The following PLEC variants were observed in gnomAD, a reference collection of about 807,000 sequenced individuals.
PLEC encodes the protein hemidesmosomal protein 1.
A neutral mutation model predicts 392.8 loss-of-function variants in PLEC; 216 were observed. The observed-to-expected ratio is 0.55, with a 90% CI of 0.49 to 0.62. The LOEUF (loss-of-function observed/expected upper bound fraction) is 0.62. Ranked by LOEUF, PLEC falls within the 20% of genes least tolerant of loss-of-function variation. The pLI is 0.00. For missense variants in PLEC, 6,863 were observed against 6,563.4 expected, an observed-to-expected ratio of 1.05 and a Z score of -1.58; for synonymous variants, 3,621 against 2,980.6, an observed-to-expected ratio of 1.21 and a Z score of -7.00.
chr8:143,920,215 G>C lies in PLEC; in HGVS notation c.9606C>G (p.Asp3202Glu). ...YGELQQRCRPDQLTGLSLLPL... is the reference protein window; with the variant it reads ...YGELQQRCRPEQLTGLSLLPL... The stretch of plus-strand genomic sequence containing the variant: ...GCAGCAGGCTCAGCCCGGTCAGCTG[G>C]TCGGGCCGGCACCGCTGCTGGAGCT... The change falls in exon 32 of 32, where the codon GAC (aspartate) becomes GAG (glutamate). Residue 3202 changes from aspartate to glutamate, a missense_variant. By Grantham distance (45) the Asp-to-Glu change is conservative. Transcript: ENST00000345136. 1 of 1,607,294 alleles carries C rather than the reference G, an allele frequency of 6.2e-7. No individual in the cohort carries two copies. Among genetic ancestry groups the C allele is most frequent in the Non-Finnish European group, 8.5e-7 (1 of 1,179,360 alleles).
chr8:143,972,330 C>T (rs981350304), intron 1 of PLEC, among the ~76,000 whole-genome samples: 4 of 152,326 alleles, frequency 2.6e-5, no homozygotes, highest in African/African-American at 4.8e-5. Flanking sequence ...TCCCCTGGCC[C>T]GAATGAACTA....
chr8:143,938,968 C>T (rs1318871572), intron 1 of PLEC, among the ~76,000 whole-genome samples: 1 of 151,224 alleles, frequency 6.6e-6, no homozygotes, highest in East Asian at 1.9e-4. Flanking sequence ...GCACCCTGAG[C>T]CCAGGGCACA....
chr8:143,928,341 G>A lies in PLEC; in HGVS notation c.3261-349C>T, dbSNP rs578137933. ...GGAAGCGTAGTTCTCAGCCCTTGCA[G>A]CCCAAGACTGGGCGAAGGGGACACC... On this transcript the variant is annotated intron_variant, in intron 25 of 31. Coordinates refer to ENST00000345136, the MANE Select transcript of PLEC (RefSeq NM_201384.3). Among the ~76,000 whole-genome samples, 7 of 152,394 alleles carry A rather than the reference G, an allele frequency of 4.6e-5. No homozygotes were observed. In the South Asian group the frequency reaches 1.4e-3, roughly 32 times the overall value.
rs1459406809 is a variant in PLEC at position 143,944,707 on chromosome 8, G to C, written c.523+5477C>G. On this transcript the variant is annotated intron_variant, in intron 1 of 31. Coordinates refer to the PLEC transcript ENST00000322810. Reference sequence around the variant, plus strand: ...CCCACGGGGCAGACGGAGCGGGCCAGGGGTGTGGGAGGTCACAGGCCCCTC... The same window carrying C: ...CCCACGGGGCAGACGGAGCGGGCCACGGGTGTGGGAGGTCACAGGCCCCTC... The C allele has an allele frequency of 9.2e-6, 12 of 1,304,682 alleles. No individual in the cohort carries two copies. The African/African-American group carries it at 1.7e-4, about 18-fold the overall frequency. The allele number at this position is 1,304,682 out of a possible 1,614,324, so 80.8% of individuals were successfully genotyped here.
Position 143,924,583 on chromosome 8 carries a change from G to A in PLEC, c.5346C>T (p.Ser1782=), listed in dbSNP as rs782138988. 406 of 1,550,998 alleles carry A rather than the reference G, an allele frequency of 2.6e-4. No homozygotes were observed. The highest frequency in any genetic ancestry group is 3.0e-4 in the Non-Finnish European group (348 of 1,155,692). The change falls in exon 31 of 32, where the codon AGC becomes AGT. Residue 1782 remains serine (S), a synonymous_variant. Coordinates refer to ENST00000345136, the MANE Select transcript of PLEC (RefSeq NM_201384.3). The part of the protein sequence containing the change: ...ARAEEESRST[S]EKSKQRLEAE... Reference sequence around the variant, plus strand: ...CCTCCAGCCTCTGCTTGGACTTCTCGCTGGTGGAGCGCGACTCCTCCTCAG... The same window carrying A: ...CCTCCAGCCTCTGCTTGGACTTCTCACTGGTGGAGCGCGACTCCTCCTCAG...
In PLEC at chr8:143,924,266, T is replaced by C. The variant is rs1824069238; in HGVS notation, c.5663A>G (p.Lys1888Arg). The C allele has an allele frequency of 6.3e-7, 1 of 1,597,356 alleles. No homozygotes were observed. Among genetic ancestry groups the C allele is most frequent in the East Asian group, 2.2e-5 (1 of 44,730 alleles). ...GGCCAGGCGCTCCTCGATGTCAGCCTTGTGTTGCGCGGCCTGCTCCTCCAG... is the reference window on the plus strand; with the variant it reads ...GGCCAGGCGCTCCTCGATGTCAGCCCTGTGTTGCGCGGCCTGCTCCTCCAG... ...RRLEEQAAQH[K>R]ADIEERLAQL... is the part of the protein sequence containing the mutation. Residue 1888 changes from lysine to arginine, a missense_variant, in exon 31 of 32, where the codon AAG (lysine) becomes AGG (arginine). Lys to Arg is a conservative substitution (Grantham distance 26). Coordinates refer to ENST00000345136, the MANE Select transcript of PLEC (RefSeq NM_201384.3).
Position 143,934,909 on chromosome 8 carries a change from C to A in PLEC, c.846G>T (p.Gln282His). 2 of 1,611,338 alleles carry A rather than the reference C, an allele frequency of 1.2e-6. No individual in the cohort carries two copies. The highest frequency in any genetic ancestry group is 1.7e-6 in the Non-Finnish European group (2 of 1,179,752). ...GCAGCAGCACCAGCTCCCGGTACTC[C>A]TGCCAGCGCAGCTGCAGCTCCTGCG... ...VRANELQLRW[Q>H]EYRELVLLLL... Residue 282 changes from glutamine to histidine, a missense_variant, in exon 9 of 32, where the codon CAG becomes CAT. Physicochemically the swap from Gln to His is conservative, Grantham distance 24. Transcript: ENST00000345136.
rs782739868 is a variant in PLEC at position 143,923,998 on chromosome 8, C to T, written c.5931G>A (p.Ala1977=). 78 of 1,585,798 alleles carry T rather than the reference C, an allele frequency of 4.9e-5. No individual in the cohort carries two copies. The highest frequency in any genetic ancestry group is 1.7e-4 in the Middle Eastern group (1 of 6,016). Residue 1977 remains alanine (A), a synonymous_variant, in exon 31 of 32, where the codon GCG becomes GCA. Coordinates refer to ENST00000345136, the MANE Select transcript of PLEC (RefSeq NM_201384.3). ...CCTCACGGCGCCGCCGCTCCTCCTC[C>T]GCCGCCAGCTGCCGCTGCCTCGCAG... ...LEAARQRQLA[A]EEERRRREAE... is the part of the protein sequence containing the mutation.
Position 143,925,148 on chromosome 8 carries a change from C to A in PLEC, c.4781G>T (p.Arg1594Leu), listed in dbSNP as rs564954644. 3 of 1,558,264 alleles carry A rather than the reference C, an allele frequency of 1.9e-6. No individual in the cohort carries two copies. Among genetic ancestry groups the A allele is most frequent in the South Asian group, 1.2e-5 (1 of 85,922 alleles). ...SFAEKTAQLE[R>L]SLQEEHVAVA... ...AGCCACGTGTTCCTCCTGCAGGGAG[C>A]GCTCCAGCTGTGCCGTCTTCTCGGC... Residue 1594 changes from arginine (R) to leucine (L), a missense_variant, in exon 31 of 32, where the codon CGC (arginine) becomes CTC (leucine). Coordinates refer to ENST00000345136, the MANE Select transcript of PLEC (RefSeq NM_201384.3).
At chr8:143,961,248 CAG>C (rs1832859210) in intron 1 of PLEC, among the ~76,000 whole-genome samples, 1 of 147,902 alleles carries the variant, frequency 6.8e-6, no homozygotes, top group South Asian at 2.1e-4. Context: ...TTTTTTGAGA[CAG>C]AGTCTTGCCC....
In PLEC at chr8:143,919,144, A is replaced by G. The variant is rs781894610; in HGVS notation, c.10677T>C (p.Thr3559=). The G allele has an allele frequency of 2.4e-5, 39 of 1,612,806 alleles. No individual in the cohort carries two copies. In the South Asian group the frequency reaches 3.8e-4, roughly 16 times the overall value. The part of the protein sequence containing the change: ...AEVVETTQVY[T]EEETRRAFEE... ...CAAATGCCCTTCTTGTCTCCTCCTC[A>G]GTGTACACCTGCGTGGTCTCCACCA... Residue 3559 remains threonine, a synonymous_variant, in exon 32 of 32, where the codon ACT becomes ACC. Coordinates refer to ENST00000345136, the MANE Select transcript of PLEC (RefSeq NM_201384.3).
chr8:143,970,324 G>C (rs368188546), intron 1 of PLEC, among the ~76,000 whole-genome samples: 1 of 151,966 alleles, frequency 6.6e-6, no homozygotes, highest in Non-Finnish European at 1.5e-5. Context: ...CAAGCAGGGT[G>C]GAAGTATACA....
chr8:143,950,070 G>T, intron 1 of PLEC: 5 of 1,344,972 alleles, frequency 3.7e-6, no homozygotes, highest in Non-Finnish European at 4.9e-6. Context: ...TGTGAGCGAC[G>T]CTCCGCAAGC....
rs782446699 is a variant in PLEC, at chr8:143,929,169, G to A, written c.3194C>T (p.Ser1065Leu). 1.2e-5 allele frequency: 19 copies of A among 1,595,090 alleles called. No homozygotes were observed. The East Asian group carries it at 2.5e-4, about 21-fold the overall frequency. The part of the protein sequence containing the change: ...EPSPAAPTLR[S>L]ELELTLGKLE... The stretch of plus-strand genomic sequence containing the variant: ...CTTGCCCAGCGTCAGCTCCAGCTCC[G>A]AGCGCAGCGTGGGGGCCGCAGGCGA... Residue 1065 changes from serine to leucine, a missense_variant, in exon 25 of 32, where the codon TCG becomes TTG. Coordinates refer to ENST00000345136, the MANE Select transcript of PLEC (RefSeq NM_201384.3).
In PLEC at chr8:143,938,181, G is replaced by T; in HGVS notation, c.234C>A (p.Ser78=). Residue 78 remains serine (S), a synonymous_variant, in exon 3 of 32, where the codon TCC becomes TCA. Coordinates refer to ENST00000345136, the MANE Select transcript of PLEC (RefSeq NM_201384.3). Reference sequence around the variant, plus strand: ...TGTCCCCCGAGAGGACCTCCAGCAGGGAGATGAGGTTGTGGCCATCGCGGA... The same window carrying T: ...TGTCCCCCGAGAGGACCTCCAGCAGTGAGATGAGGTTGTGGCCATCGCGGA... ...EDLRDGHNLI[S]LLEVLSGDSL... 6.2e-7 allele frequency: 1 copy of T among 1,609,040 alleles called. No individual in the cohort carries two copies. The highest frequency in any genetic ancestry group is 8.5e-7 in the Non-Finnish European group (1 of 1,179,258).
intron 5 of PLEC, 110 bp from the exon 6 acceptor site, chr8:143,936,124 A>G (rs1828992584): frequency 5.5e-6 from 7 of 1,265,616 alleles, no homozygotes; most frequent in Non-Finnish European, 7.9e-6. Context: ...GGGGGAGTGC[A>G]TGGGGCCACC....
intron 1 of PLEC, among the ~76,000 whole-genome samples, chr8:143,964,006 C>T (rs956419193): frequency 2.0e-5 from 3 of 151,944 alleles, no homozygotes; most frequent in Non-Finnish European, 1.5e-5. Flanking sequence ...AGAGACAAGG[C>T]TTCACCATGT....
Position 143,963,410 on chromosome 8 carries a change from AC to A in PLEC, c.70+9992del, listed in dbSNP as rs1443561732. Among the ~76,000 whole-genome samples, 6 of 152,032 alleles carry A rather than the reference AC, an allele frequency of 3.9e-5. No homozygotes were observed. The South Asian group carries it at 1.2e-3, about 32-fold the overall frequency. The stretch of plus-strand genomic sequence containing the variant: ...CAGAAGAGCATTCACGGGCCTTGAA[AC>A]CCCACGGAATTTGCCCTGCTGGATT... On this transcript the variant is annotated intron_variant, in intron 1 of 31. Coordinates refer to the PLEC transcript ENST00000356346.
rs905587862 is a variant in PLEC at position 143,922,075 on chromosome 8, C to T, written c.7746G>A (p.Gln2582=). The part of the protein sequence containing the change: ...ELQQLEQQRR[Q]QEELLAEENQ... ...TCTCCTCAGCCAGCAGCTCCTCCTG[C>T]TGCCGCCGCTGCTGCTCCAGCTGCT... Residue 2582 remains glutamine, a synonymous_variant, in exon 32 of 32, where the codon CAG becomes CAA. Transcript: ENST00000345136. 2.5e-6 allele frequency: 4 copies of T among 1,576,998 alleles called. No individual in the cohort carries two copies. Among genetic ancestry groups the T allele is most frequent in the Admixed American group, 1.8e-5 (1 of 56,774 alleles).
Sources: gnomAD v4.1 joint callset for allele counts (sites outside exome capture counted in the v4.1 genomes callset) on GRCh38, gnomAD v4.1.1 for gene constraint, MANE v1.5 for transcripts, NCBI Gene and HGNC (gene_info 2026-07-23, HGNC 2026-07-21) for gene names.